Variants in PDCD11 observed in about 807,000 individuals in gnomAD.
PDCD11 encodes the protein protein RRP5 homolog.
PDCD11 carries 97 observed loss-of-function variants against 198.9 expected under a neutral mutation model. The observed-to-expected ratio is 0.49, with a 90% CI of 0.41 to 0.58. The LOEUF (loss-of-function observed/expected upper bound fraction) is 0.58, where lower values mean the gene tolerates loss of function less well. Ranked by LOEUF, PDCD11 falls within the 20% of genes least tolerant of loss-of-function variation. The probability of loss-of-function intolerance (pLI) is 0.00; values close to 1 mark genes in which losing one functional copy is unlikely to be tolerated. For missense variants in PDCD11, 2,102 were observed against 2,312.7 expected (o/e 0.91, Z 1.87); for synonymous variants, 893 against 918.0 (o/e 0.97, Z 0.49).
At chr10:103,398,596 C>A (rs964917078) in intron 2 of PDCD11, 68 bp downstream of exon 2, 9 of 1,017,550 alleles carry the variant, frequency 8.8e-6, no homozygotes, top group Middle Eastern at 2.1e-4. Context: ...GAAAAATGAG[C>A]CTTATTTGAG....
chr10:103,418,397 G>T, intron 14 of PDCD11, 43 bp from the exon 15 acceptor site: 1 of 1,516,394 alleles, frequency 6.6e-7, no homozygotes, highest in Non-Finnish European at 9.1e-7. Context: ...GTTGTTCTCT[G>T]TTCATGACAA....
intron 17 of PDCD11, 136 bp downstream of exon 17, chr10:103,421,703 G>T: frequency 1.6e-6 from 1 of 625,136 alleles, no homozygotes; most frequent in Non-Finnish European, 2.8e-6. Context: ...GGTGGCTCAC[G>T]CCTGTAATCC....
rs754261100 is a variant in PDCD11 at position 103,440,476 on chromosome 10, G to C, written c.4335G>C (p.Lys1445Asn). ...AAAGGAACGAGAAGAAGAACCAGAAGGGGCAGGAGGAGGTGGAGATGCCCA... is the reference window on the plus strand; with the variant it reads ...AAAGGAACGAGAAGAAGAACCAGAACGGGCAGGAGGAGGTGGAGATGCCCA... The part of the protein sequence containing the change: ...NQKRNEKKNQ[K>N]GQEEVEMPSK... Residue 1445 changes from lysine (K) to asparagine (N), a missense_variant, in exon 29 of 36, where the codon AAG becomes AAC. Physicochemically the swap from Lys to Asn is moderately conservative, Grantham distance 94. Coordinates refer to ENST00000369797, the MANE Select transcript of PDCD11 (RefSeq NM_014976.2). 4.3e-6 allele frequency: 7 copies of C among 1,614,038 alleles called. No individual in the cohort carries two copies. Among genetic ancestry groups the C allele is most frequent in the Middle Eastern group, 3.3e-4 (2 of 6,010 alleles).
At chr10:103,411,441 T>C (rs1417143124) in intron 8 of PDCD11, among the ~76,000 whole-genome samples, 1 of 152,196 alleles carries the variant, frequency 6.6e-6, no homozygotes, top group African/African-American at 2.4e-5. Context: ...CCACGGTTAA[T>C]TGCAACCTCA....
Position 103,413,375 on chromosome 10 carries a change from G to T in PDCD11, c.1185+53G>T. ...GATCTTATCACTGGAAGGACTTCTG[G>T]AGCACAGGGGGCCATTTCTGCTTCT... On this transcript the variant is annotated intron_variant, in intron 9 of 35. Coordinates refer to ENST00000369797, the MANE Select transcript of PDCD11 (RefSeq NM_014976.2). 3 of 1,428,818 alleles carry T rather than the reference G, an allele frequency of 2.1e-6. No homozygotes were observed. The South Asian group carries it at 3.5e-5, about 17-fold the overall frequency. 88.5% of individuals were successfully genotyped at this position (1,428,818 alleles called of 1,614,324 possible).
chr10:103,440,230 C>T (rs1038435504), intron 28 of PDCD11, 60 bp from the exon 29 acceptor site: 56 of 1,544,948 alleles, frequency 3.6e-5, no homozygotes, highest in African/African-American at 4.1e-5. Flanking sequence ...AGGCCTGGGC[C>T]GCCTGTGGTG....
At chr10:103,433,565 T>C (rs573105242) in intron 22 of PDCD11, among the ~76,000 whole-genome samples, 4 of 152,164 alleles carry the variant, frequency 2.6e-5, no homozygotes, top group Non-Finnish European at 5.9e-5. Context: ...AGGATCCAAA[T>C]CCAAATTGGT....
At position 103,413,334 on chromosome 10, in the gene PDCD11, T is replaced by C; in HGVS notation, c.1185+12T>C. 6.2e-7 allele frequency: 1 copy of C among 1,608,696 alleles called. No homozygotes were observed. On this transcript the variant is annotated intron_variant, in intron 9 of 35. Coordinates refer to ENST00000369797, the MANE Select transcript of PDCD11 (RefSeq NM_014976.2). ...TGGCCTATGCCCGGGTAAGGAGGCC[T>C]CTTTGTTTGGTCAGGGATCTTATCA... is the stretch of plus-strand genomic sequence containing the variant.
At position 103,413,096 on chromosome 10, in the gene PDCD11, C is replaced by G. The variant is rs374816080; in HGVS notation, c.979-20C>G. 6 of 1,607,140 alleles carry G rather than the reference C, an allele frequency of 3.7e-6. No individual in the cohort carries two copies. Among genetic ancestry groups the G allele is most frequent in the Non-Finnish European group, 5.1e-6 (6 of 1,174,294 alleles). On this transcript the variant is annotated intron_variant, in intron 8 of 35. Coordinates refer to ENST00000369797, the MANE Select transcript of PDCD11 (RefSeq NM_014976.2). ...TCCTGTGTGCCTCCTCCTGCTCACCCTGCCCTTCCTTTTGTCTAGGTGAGG... is the reference window on the plus strand; with the variant it reads ...TCCTGTGTGCCTCCTCCTGCTCACCGTGCCCTTCCTTTTGTCTAGGTGAGG...
At chr10:103,430,641 T>C (rs1020271100) in intron 21 of PDCD11, among the ~76,000 whole-genome samples, 1 of 152,048 alleles carries the variant, frequency 6.6e-6, no homozygotes, top group Non-Finnish European at 1.5e-5. Flanking sequence ...TTTTCTTTTT[T>C]TTTTTTTTTT....
In PDCD11 at chr10:103,430,804, C is replaced by CT. The variant is rs113451312; in HGVS notation, c.3369-1313dup. Among the ~76,000 whole-genome samples the CT allele has an allele frequency of 1.2e-3, 181 of 146,362 alleles. 1 individual carries two copies. The highest frequency in any genetic ancestry group is 0.012 in the East Asian group (58 of 5,034). Reference sequence around the variant, plus strand: ...ATGTCTACTCAAGTCCTTTTGCTCTCTTTTTTTTTTTTAAATGGAGTTTCG... The same window carrying CT: ...ATGTCTACTCAAGTCCTTTTGCTCTCTTTTTTTTTTTTTAAATGGAGTTTCG... On this transcript the variant is annotated intron_variant, in intron 21 of 35. Coordinates refer to ENST00000369797, the MANE Select transcript of PDCD11 (RefSeq NM_014976.2).
intron 9 of PDCD11, 109 bp downstream of exon 9, chr10:103,413,431 G>A (rs1053204959): frequency 1.2e-5 from 10 of 832,884 alleles, no homozygotes; most frequent in African/African-American, 3.4e-5. Context: ...TAAAATTTTT[G>A]GATATTGTAG....
rs778248810 is a variant in PDCD11, at chr10:103,419,664, T to C, written c.2233T>C (p.Phe745Leu). 5.6e-6 allele frequency: 9 copies of C among 1,614,004 alleles called. No homozygotes were observed. In the East Asian group the frequency reaches 2.0e-4, roughly 36 times the overall value. The change falls in exon 16 of 36, where the codon TTC (phenylalanine) becomes CTC (leucine). Residue 745 changes from phenylalanine (F) to leucine (L), a missense_variant. Transcript: ENST00000369797. ...GAAGAGCATCAAGGACTATGGCGTG[T>C]TCATCCAGTTCCCCTCAGGTCTTAG... Reference protein sequence around the residue: ...FVKSIKDYGVFIQFPSGLSGL... With the variant: ...FVKSIKDYGVLIQFPSGLSGL...
Position 103,444,039 on chromosome 10 carries a change from G to A in PDCD11, c.5249G>A (p.Arg1750Gln), listed in dbSNP as rs867191118. ...GCAGCCAGTCACCGCGTGCTGCAGC[G>A]AGCCCTGGAGTGCCTGCCTAGCAAG... The part of the protein sequence containing the change: ...QAAASHRVLQ[R>Q]ALECLPSKEH... Residue 1750 changes from arginine to glutamine, a missense_variant, in exon 34 of 36, where the codon CGA becomes CAA. Transcript: ENST00000369797. The A allele has an allele frequency of 4.3e-6, 7 of 1,612,368 alleles. No homozygotes were observed. Among genetic ancestry groups the A allele is most frequent in the African/African-American group, 1.3e-5 (1 of 74,964 alleles).
chr10:103,407,845 AGTAGCTGG>A (rs2030556300), intron 7 of PDCD11, among the ~76,000 whole-genome samples: 2 of 151,832 alleles, frequency 1.3e-5, no homozygotes, highest in African/African-American at 4.8e-5. Flanking sequence ...CAGCCTCCCG[AGTAGCTGG>A]GACTACAGGC....
chr10:103,442,093 C>A, intron 31 of PDCD11, 118 bp downstream of exon 31: 1 of 1,541,172 alleles, frequency 6.5e-7, no homozygotes, highest in Non-Finnish European at 8.9e-7. Context: ...AGCGGCCAGT[C>A]CCAGGCCAGG....
chr10:103,440,775 G>A lies in PDCD11; in HGVS notation c.4482G>A (p.Glu1494=). 1.2e-6 allele frequency: 2 copies of A among 1,614,168 alleles called. No individual in the cohort carries two copies. Among genetic ancestry groups the A allele is most frequent in the South Asian group, 2.2e-5 (2 of 91,076 alleles). ...AGCCAAAGAAAGCCGGCCTGTCAGAGGAGGACGACAGCCTTGTGGACGTGT... is the reference window on the plus strand; with the variant it reads ...AGCCAAAGAAAGCCGGCCTGTCAGAAGAGGACGACAGCCTTGTGGACGTGT... ...SKKPKKAGLS[E]EDDSLVDVYY... is the part of the protein sequence containing the mutation. Residue 1494 remains glutamate, a synonymous_variant, in exon 30 of 36, where the codon GAG becomes GAA. Transcript: ENST00000369797.
At chr10:103,439,148 G>A (rs1409827772) in intron 27 of PDCD11, among the ~76,000 whole-genome samples, 2 of 151,990 alleles carry the variant, frequency 1.3e-5, no homozygotes, top group African/African-American at 2.4e-5. Flanking sequence ...AGACCAGCCT[G>A]GGCAACAAAG....
chr10:103,427,013 C>T (rs1361812133), intron 20 of PDCD11, among the ~76,000 whole-genome samples: 1 of 151,730 alleles, frequency 6.6e-6, no homozygotes, highest in Non-Finnish European at 1.5e-5. Flanking sequence ...GGAGGCTGAG[C>T]TGGGAGGATT....
Sources: gnomAD v4.1 joint callset for allele counts (sites outside exome capture counted in the v4.1 genomes callset) on GRCh38, gnomAD v4.1.1 for gene constraint, MANE v1.5 for transcripts, NCBI Gene and HGNC (gene_info 2026-07-23, HGNC 2026-07-21) for gene names.